The following ASH1L variants were observed in gnomAD, a reference collection of about 807,000 sequenced individuals.
The protein encoded by ASH1L is ASH1 like histone lysine methyltransferase.
ASH1L carries 23 observed loss-of-function variants against 269.0 expected under a neutral mutation model. The observed-to-expected ratio is 0.09, with a 90% confidence interval of 0.06 to 0.12. ASH1L has a LOEUF of 0.12. Ranked by LOEUF, ASH1L falls within the 10% of genes least tolerant of loss-of-function variation. ASH1L has a pLI of 1.00. For missense variants in ASH1L, 2,912 were observed against 3,567.8 expected (o/e 0.82, Z 4.68); for synonymous variants, 1,187 against 1,253.5 (o/e 0.95, Z 1.12).
chr1:155,509,693 G>A (rs1668040980), intron 2 of ASH1L, among the ~76,000 whole-genome samples: 1 of 152,130 alleles, frequency 6.6e-6, no homozygotes, highest in African/African-American at 2.4e-5. Flanking sequence ...CAGCTACTCA[G>A]GAGGCTGAGG....
At position 155,501,699 on chromosome 1, in the gene ASH1L, T is replaced by C. The variant is rs186982976; in HGVS notation, c.421-19250A>G. 3.2e-3 allele frequency among the ~76,000 whole-genome samples: 490 copies of C among 152,166 alleles called. 2 individuals carry two copies. Among genetic ancestry groups the C allele is most frequent in the Middle Eastern group, 0.01 (3 of 292 alleles). On this transcript the variant is annotated intron_variant, in intron 2 of 27. Coordinates refer to ENST00000392403, the MANE Select transcript of ASH1L (RefSeq NM_018489.3). ...ATTTTTTTGAGACAGAGTCTCGCTCTGTCACCAGGCTGAAGCGCAGTGGCG... is the reference window on the plus strand; with the variant it reads ...ATTTTTTTGAGACAGAGTCTCGCTCCGTCACCAGGCTGAAGCGCAGTGGCG...
chr1:155,486,610 T>A (rs1011347084), intron 2 of ASH1L, among the ~76,000 whole-genome samples: 1 of 152,076 alleles, frequency 6.6e-6, no homozygotes, highest in African/African-American at 2.4e-5. Flanking sequence ...TATGATGTGA[T>A]TATTACACAC....
At position 155,343,272 on chromosome 1, in the gene ASH1L, C is replaced by A; in HGVS notation, c.8293+42G>T. On this transcript the variant is annotated intron_variant, in intron 24 of 27. Transcript: ENST00000392403. This position sits in a 1 kb window ranked among gnomAD's most constrained non-coding sequence, Gnocchi z 6.1. ...CTGGGATTATCAGCGTGAGCCACTG[C>A]ACTTGGCCGAGGTCATTTTTTAACT... 6.3e-7 allele frequency: 1 copy of A among 1,581,304 alleles called. No individual in the cohort carries two copies. The highest frequency in any genetic ancestry group is 1.2e-5 in the South Asian group (1 of 85,010).
At chr1:155,549,474 C>A (rs370376617) in intron 1 of ASH1L, among the ~76,000 whole-genome samples, 3 of 152,006 alleles carry the variant, frequency 2.0e-5, no homozygotes, top group Admixed American at 6.6e-5. Context: ...CCCACCTCTA[C>A]TAAAAATACA....
chr1:155,495,695 C>G (rs1461747798), intron 2 of ASH1L, among the ~76,000 whole-genome samples: 1 of 152,076 alleles, frequency 6.6e-6, no homozygotes, highest in South Asian at 2.1e-4. Context: ...AATTTCCCTT[C>G]GTCAATAATA....
intron 8 of ASH1L, 88 bp downstream of exon 8, chr1:155,379,955 A>T: frequency 1.0e-6 from 1 of 965,966 alleles, no homozygotes; most frequent in Non-Finnish European, 1.6e-6. Flanking sequence ...AGATGAAAAC[A>T]TAACAAGGGG....
rs757894996 is a variant in ASH1L at position 155,562,607 on chromosome 1, C to A, written c.-554G>T. 1 of 1,528,340 alleles carries A rather than the reference C, an allele frequency of 6.5e-7. No individual in the cohort carries two copies. Among genetic ancestry groups the A allele is most frequent in the African/African-American group, 1.4e-5 (1 of 72,806 alleles). The allele number at this position is 1,528,340 out of a possible 1,614,324, so 94.7% of individuals were successfully genotyped here. ...CGCGTAGCGCGCACGCCCGCCCGCA[C>A]GCGTACGAGTGTCTACGGGCTCGTC... On this transcript the variant is annotated 5_prime_UTR_variant, in exon 1 of 28. Transcript: ENST00000392403.
chr1:155,512,772 G>A (rs1668248186), intron 2 of ASH1L, among the ~76,000 whole-genome samples: 2 of 151,964 alleles, frequency 1.3e-5, no homozygotes, highest in South Asian at 4.2e-4. Context: ...GCTGGGCACA[G>A]TGGCTCACTG....
intron 2 of ASH1L, among the ~76,000 whole-genome samples, chr1:155,503,363 T>C (rs1667630014): frequency 6.6e-6 from 1 of 152,220 alleles, no homozygotes; most frequent in Admixed American, 6.5e-5. Flanking sequence ...TCCTAAACTC[T>C]GACTTCCTAA....
intron 3 of ASH1L, among the ~76,000 whole-genome samples, chr1:155,464,038 T>C (rs1211881327): frequency 6.6e-6 from 1 of 152,086 alleles, no homozygotes; most frequent in Non-Finnish European, 1.5e-5. Context: ...AAGAGATGAG[T>C]CAGAACCAGA....
chr1:155,445,869 T>C (rs1356059789), intron 4 of ASH1L, among the ~76,000 whole-genome samples: 3 of 152,082 alleles, frequency 2.0e-5, no homozygotes, highest in Non-Finnish European at 4.4e-5. Context: ...ATTGTGTGTG[T>C]GTGTGTTTGT....
rs563974257 is a variant in ASH1L, at chr1:155,461,719, G to C, written c.4985-1821C>G. Among the ~76,000 whole-genome samples, 5 of 151,878 alleles carry C rather than the reference G, an allele frequency of 3.3e-5. No individual in the cohort carries two copies. The East Asian group carries it at 9.7e-4, about 29-fold the overall frequency. ...CACATAGTCAAGACAGAAGACAATAGTGGCCAAGAAGCCTGAGATAATAGT... is the reference window on the plus strand; with the variant it reads ...CACATAGTCAAGACAGAAGACAATACTGGCCAAGAAGCCTGAGATAATAGT... On this transcript the variant is annotated intron_variant, in intron 3 of 27. Coordinates refer to ENST00000392403, the MANE Select transcript of ASH1L (RefSeq NM_018489.3).
intron 10 of ASH1L, among the ~76,000 whole-genome samples, chr1:155,374,905 TC>T (rs1345081503): frequency 6.6e-6 from 1 of 152,054 alleles, no homozygotes. Context: ...AGCCTCAACC[TC>T]CAGGCTCAAG....
chr1:155,352,602 T>C, intron 17 of ASH1L, 104 bp downstream of exon 17: 1 of 1,237,440 alleles, frequency 8.1e-7, no homozygotes. Flanking sequence ...CCCAGGAGTC[T>C]GAGACTAGCC....
At chr1:155,546,700 G>C (rs1327549600) in intron 1 of ASH1L, among the ~76,000 whole-genome samples, 1 of 151,704 alleles carries the variant, frequency 6.6e-6, no homozygotes, top group Non-Finnish European at 1.5e-5. Flanking sequence ...AGAGGTTGCA[G>C]TGAGCTGAGA....
intron 19 of ASH1L, among the ~76,000 whole-genome samples, chr1:155,348,893 A>AT (rs1558019326): frequency 2.2e-5 from 1 of 45,088 alleles, no homozygotes; most frequent in African/African-American, 5.0e-5. Flanking sequence ...TTAAAAAAAA[A>AT]AAAAAAATAT....
At chr1:155,561,923 A>G (rs1021431237) in intron 1 of ASH1L, 3 of 436,722 alleles carry the variant, frequency 6.9e-6, no homozygotes, top group Admixed American at 4.0e-5. Context: ...CCACTCGCTT[A>G]CTTCCCAGCC....
rs1303643035 is a variant in ASH1L at position 155,432,307 on chromosome 1, AACTAAGTTAGTT to A, written c.5828+6008_5828+6019del. Among the ~76,000 whole-genome samples, 18 of 152,290 alleles carry A rather than the reference AACTAAGTTAGTT, an allele frequency of 1.2e-4. No homozygotes were observed. The South Asian group carries it at 2.3e-3, about 19-fold the overall frequency. ...AGCATAGTCCTTACTTTTTCTGGGA[AACTAAGTTAGTT>A]ATTTCTATTATATACAGTACTCTTA... On this transcript the variant is annotated intron_variant, in intron 5 of 27. Coordinates refer to ENST00000392403, the MANE Select transcript of ASH1L (RefSeq NM_018489.3).
At chr1:155,434,764 T>C (rs1661943278) in intron 5 of ASH1L, among the ~76,000 whole-genome samples, 1 of 151,878 alleles carries the variant, frequency 6.6e-6, no homozygotes. Flanking sequence ...AGGAGGAGAA[T>C]CACTTGAACC....
Sources: allele counts gnomAD v4.1 joint callset (sites outside exome capture counted in the v4.1 genomes callset), GRCh38; gene constraint gnomAD v4.1.1; non-coding constraint Gnocchi (gnomAD v3.1); transcripts MANE v1.5; gene names NCBI Gene and HGNC (gene_info 2026-07-23, HGNC 2026-07-21).